Variants in CUBN observed in about 807,000 individuals in gnomAD.
CUBN encodes the protein 460 kDa receptor.
In CUBN, 282 loss-of-function variants were observed where a neutral mutation model predicts 405.3. The ratio of observed to expected loss-of-function variants is 0.70; its 90% CI spans 0.63 to 0.77. The LOEUF is 0.77. Among genes scored for constraint, CUBN ranks in the 30% least tolerant of loss-of-function variants. CUBN has a pLI of 0.00. For missense variants in CUBN, 4,514 were observed against 4,475.2 expected, an observed-to-expected ratio of 1.01 and a Z score of -0.25; for synonymous variants, 1,684 against 1,617.0, an observed-to-expected ratio of 1.04 and a Z score of -0.99.
In CUBN at chr10:17,068,729, C is replaced by T; in HGVS notation, c.2667G>A (p.Lys889=). The T allele has an allele frequency of 6.2e-7, 1 of 1,612,656 alleles. No individual in the cohort carries two copies. Among genetic ancestry groups the T allele is most frequent in the Non-Finnish European group, 8.5e-7 (1 of 1,178,922 alleles). The change falls in exon 20 of 67, where the codon AAG becomes AAA. Residue 889 remains lysine (K), a synonymous_variant. Transcript: ENST00000377833. ...ATGAAGGTATGTCTGTACCGCAATA[C>T]TTTTTATTTTCAGGAGAACCCAAAA... ...SSILGSPENK[K]YCGTDIPSFI... is the part of the protein sequence containing the mutation.
intron 27 of CUBN, among the ~76,000 whole-genome samples, chr10:17,021,500 A>T (rs1434488788): frequency 6.6e-6 from 1 of 152,200 alleles, no homozygotes; most frequent in Non-Finnish European, 1.5e-5. Context: ...AATACCTGGT[A>T]ATGGACTCAT....
At chr10:17,087,779 C>T (rs1250331540) in intron 15 of CUBN, among the ~76,000 whole-genome samples, 5 of 152,184 alleles carry the variant, frequency 3.3e-5, no homozygotes, top group African/African-American at 4.8e-5. Context: ...CCGGCCTCTT[C>T]GTGGAATGCT....
chr10:16,942,250 T>A (rs1424408040), intron 36 of CUBN, among the ~76,000 whole-genome samples: 2 of 152,164 alleles, frequency 1.3e-5, no homozygotes, highest in African/African-American at 4.8e-5. Flanking sequence ...AATAATTATT[T>A]GGGAGTTTCT....
At position 17,019,916 on chromosome 10, in the gene CUBN, G is replaced by C; in HGVS notation, c.4085C>G (p.Thr1362Arg). The C allele has an allele frequency of 1.2e-6, 2 of 1,614,152 alleles. No homozygotes were observed. The highest frequency in any genetic ancestry group is 1.1e-5 in the South Asian group (1 of 91,088). ...GAGCAGCACTTGAAGCTTGGAGCTT[G>C]TAGTACTCCCTGGAGGGGGCAGGTC... is the stretch of plus-strand genomic sequence containing the variant. ...GVDLPPPGST[T>R]SSKLQVLLLT... The change falls in exon 28 of 67, where the codon ACA (threonine) becomes AGA (arginine). Residue 1362 changes from threonine to arginine, a missense_variant. Coordinates refer to ENST00000377833, the MANE Select transcript of CUBN (RefSeq NM_001081.4).
chr10:16,836,193 A>T (rs757038841), intron 63 of CUBN, 42 bp downstream of exon 63: 1 of 1,550,068 alleles, frequency 6.5e-7, no homozygotes, highest in Non-Finnish European at 8.9e-7. Context: ...AATGGTAATG[A>T]TGGCAGCTTT....
Position 16,883,604 on chromosome 10 carries a change from G to T in CUBN, c.8905+4813C>A, listed in dbSNP as rs1588617552. On this transcript the variant is annotated intron_variant, in intron 56 of 66. Coordinates refer to ENST00000377833, the MANE Select transcript of CUBN (RefSeq NM_001081.4). ...TTGATGGGGAAAAAAATGTCAAAAAGAAAAATCTAAAACTAATTTTTTTTT... is the reference window on the plus strand; with the variant it reads ...TTGATGGGGAAAAAAATGTCAAAAATAAAAATCTAAAACTAATTTTTTTTT... 3.3e-5 allele frequency among the ~76,000 whole-genome samples: 5 copies of T among 152,280 alleles called. No homozygotes were observed. The South Asian group carries it at 1.0e-3, about 32-fold the overall frequency.
At chr10:16,926,483 G>C (rs1284277163) in intron 41 of CUBN, among the ~76,000 whole-genome samples, 1 of 152,126 alleles carries the variant, frequency 6.6e-6, no homozygotes, top group Non-Finnish European at 1.5e-5. Context: ...TGGAGGACAG[G>C]GAAGGACAGG....
At chr10:17,098,133 C>T (rs1836415240) in intron 14 of CUBN, among the ~76,000 whole-genome samples, 1 of 152,182 alleles carries the variant, frequency 6.6e-6, no homozygotes. Context: ...CACATGTAGG[C>T]ACTCAGGTCC....
chr10:16,971,047 G>T (rs1469735224), intron 31 of CUBN, among the ~76,000 whole-genome samples: 1 of 152,046 alleles, frequency 6.6e-6, no homozygotes, highest in African/African-American at 2.4e-5. Context: ...CAGGATGGCT[G>T]GTCCCATTCC....
chr10:16,962,692 C>T (rs61841464), intron 31 of CUBN, among the ~76,000 whole-genome samples: 33,845 of 151,996 alleles, frequency 0.22, 4,122 homozygotes, highest in Non-Finnish European at 0.28. Flanking sequence ...TATTGCTTGC[C>T]CTGGTGAGCA....
At chr10:17,107,951 T>C (rs1836675398) in intron 10 of CUBN, among the ~76,000 whole-genome samples, 3 of 152,200 alleles carry the variant, frequency 2.0e-5, no homozygotes, top group Middle Eastern at 3.4e-3. Flanking sequence ...TAGGGAAAAA[T>C]GGAGTAAGCA....
chr10:17,089,034 C>T (rs1836192953), intron 14 of CUBN, among the ~76,000 whole-genome samples: 1 of 152,226 alleles, frequency 6.6e-6, no homozygotes, highest in East Asian at 1.9e-4. Context: ...TCTGTAGTGG[C>T]TTAGATTTCT....
chr10:16,886,330 A>G (rs1024557880), intron 56 of CUBN, among the ~76,000 whole-genome samples: 1 of 152,224 alleles, frequency 6.6e-6, no homozygotes, highest in Non-Finnish European at 1.5e-5. Flanking sequence ...TACATTTCCC[A>G]GATGTTGAAT....
chr10:16,985,446 C>T (rs571897104), intron 29 of CUBN, among the ~76,000 whole-genome samples: 20 of 152,332 alleles, frequency 1.3e-4, no homozygotes, highest in South Asian at 4.1e-4. Context: ...CTACCTCCAT[C>T]GCCCAATAAA....
intron 40 of CUBN, 21 bp from the exon 41 acceptor site, chr10:16,928,324 C>T (rs1406343604): frequency 1.2e-6 from 2 of 1,612,934 alleles, no homozygotes; most frequent in Non-Finnish European, 1.7e-6. Context: ...AGAAAGGGAA[C>T]AACATGAAAA....
chr10:17,013,932 T>G (rs1403790303), intron 28 of CUBN, among the ~76,000 whole-genome samples: 1 of 152,200 alleles, frequency 6.6e-6, no homozygotes, highest in Non-Finnish European at 1.5e-5. Flanking sequence ...GCTGCATAAA[T>G]CTGGACTATA....
chr10:16,834,941 A>T, intron 64 of CUBN, 73 bp downstream of exon 64: 1 of 1,363,004 alleles, frequency 7.3e-7, no homozygotes. Context: ...AGCACTAGAT[A>T]AAAGGTGTAA....
intron 29 of CUBN, among the ~76,000 whole-genome samples, chr10:16,986,553 T>A (rs972553510): frequency 8.5e-5 from 13 of 152,178 alleles, no homozygotes; most frequent in Non-Finnish European, 1.8e-4. Flanking sequence ...TGCAAAGGAA[T>A]GAAGCATACC....
intron 36 of CUBN, among the ~76,000 whole-genome samples, chr10:16,946,152 T>C (rs1842773981): frequency 6.6e-6 from 1 of 152,220 alleles, no homozygotes; most frequent in African/African-American, 2.4e-5. Context: ...AATAGACTGG[T>C]AAATAAATTT....
Sources: gnomAD v4.1 joint callset for allele counts (sites outside exome capture counted in the v4.1 genomes callset) on GRCh38, gnomAD v4.1.1 for gene constraint, MANE v1.5 for transcripts, NCBI Gene and HGNC (gene_info 2026-07-23, HGNC 2026-07-21) for gene names.